The following RBFOX1 variants were observed in gnomAD, a reference collection of about 807,000 sequenced individuals.
RBFOX1 encodes the protein RNA binding fox-1 homolog 1.
RBFOX1 carries 8 observed loss-of-function variants against 57.7 expected under a neutral mutation model. That is an observed-to-expected ratio of 0.14 (90% confidence interval 0.08 to 0.25). The LOEUF (loss-of-function observed/expected upper bound fraction) is 0.25, where lower values mean the gene tolerates loss of function less well. Among genes scored for constraint, RBFOX1 ranks in the 10% least tolerant of loss-of-function variants. The probability of loss-of-function intolerance (pLI) is 1.00; values close to 1 mark genes in which losing one functional copy is unlikely to be tolerated. For missense variants in RBFOX1, 611 were observed against 548.5 expected (o/e 1.11, Z -1.14); for synonymous variants, 326 against 222.4 (o/e 1.47, Z -4.15).
intron 2 of RBFOX1, among the ~76,000 whole-genome samples, chr16:6,403,139 A>C (rs2093142670): frequency 6.6e-6 from 1 of 152,340 alleles, no homozygotes; most frequent in South Asian, 2.1e-4. Flanking sequence ...TGGGTGCTGA[A>C]CCAGCAGCAT....
intron 4 of RBFOX1, among the ~76,000 whole-genome samples, chr16:7,144,169 A>G (rs1258940700): frequency 6.6e-6 from 1 of 152,190 alleles, no homozygotes; most frequent in Non-Finnish European, 1.5e-5. Flanking sequence ...TTGTTTAAGA[A>G]AGGACATGGA....
At chr16:7,625,088 G>T (rs968852025) in intron 10 of RBFOX1, among the ~76,000 whole-genome samples, 1 of 152,088 alleles carries the variant, frequency 6.6e-6, no homozygotes, top group African/African-American at 2.4e-5. Flanking sequence ...CAGCCCAGGG[G>T]ATTGCTTTGG....
intron 3 of RBFOX1, among the ~76,000 whole-genome samples, chr16:6,745,409 C>A (rs1222168749): frequency 6.6e-6 from 1 of 152,022 alleles, no homozygotes; most frequent in Non-Finnish European, 1.5e-5. Flanking sequence ...TCTAAAACAA[C>A]AAGCAAATGA....
At chr16:7,709,588 C>G (rs1036516009) in intron 15 of RBFOX1, 34 of 1,530,808 alleles carry the variant, frequency 2.2e-5, no homozygotes, top group East Asian at 4.9e-5. Flanking sequence ...GACTGCCTCT[C>G]CTCCCCTATT....
chr16:5,929,033 TAAAAAAAA>T (rs3041579), intron 4 of RBFOX1, among the ~76,000 whole-genome samples: 9 of 127,064 alleles, frequency 7.1e-5, no homozygotes, highest in Non-Finnish European at 1.3e-4. Context: ...CTTTCCAATT[TAAAAAAAA>T]AAAAAAAAAA....
exon 3 of RBFOX1, chr16:5,599,659 TTCATTTTATGATGATTTTCTCTTTATA>T (rs2047300970): frequency 6.1e-6 from 1 of 163,902 alleles, no homozygotes; most frequent in Admixed American, 6.1e-5. Flanking sequence ...CATTATGTAT[TTCATTTTATGATGATTTTCTCTTTATA>T]GCCATCACTA....
In RBFOX1 at chr16:5,659,343, G is replaced by T. The variant is rs185926328; in HGVS notation, c.318+60382G>T. Among the ~76,000 whole-genome samples, 6 of 138,902 alleles carry T rather than the reference G, an allele frequency of 4.3e-5. No homozygotes were observed. The South Asian group carries it at 1.4e-3, about 32-fold the overall frequency. The allele number at this position is 138,902 out of a possible 152,430, so 91.1% of individuals were successfully genotyped here. On this transcript the variant is annotated intron_variant, in intron 3 of 19. Transcript: ENST00000641259. ...TTTTGAGATGGAGTCTCACTCTGTCGCCCAGGCTGGAGTGCAGTGGCGCCA... is the reference window on the plus strand; with the variant it reads ...TTTTGAGATGGAGTCTCACTCTGTCTCCCAGGCTGGAGTGCAGTGGCGCCA...
rs1421905747 is a variant in RBFOX1, at chr16:6,246,775, C to T, written c.-126-70220C>T. 2.0e-5 allele frequency among the ~76,000 whole-genome samples: 3 copies of T among 152,138 alleles called. No individual in the cohort carries two copies. The East Asian group carries it at 5.8e-4, about 29-fold the overall frequency. On this transcript the variant is annotated intron_variant, in intron 1 of 15. Coordinates refer to ENST00000550418, the MANE Select transcript of RBFOX1 (RefSeq NM_018723.4). ...GGTCTCTATCTTGTTTCCTAAACTC[C>T]AGTCCATTGTAGGCTGGGCATTGTG...
chr16:6,688,094 AAG>A (rs943687115), intron 3 of RBFOX1, among the ~76,000 whole-genome samples: 12 of 152,270 alleles, frequency 7.9e-5, no homozygotes, highest in African/African-American at 2.6e-4. Flanking sequence ...TTACAAAGAA[AAG>A]AGATTTCATT....
chr16:5,720,178 T>C (rs2051875863), intron 3 of RBFOX1, among the ~76,000 whole-genome samples: 1 of 152,226 alleles, frequency 6.6e-6, no homozygotes. Flanking sequence ...ACTAATGATA[T>C]TGAACATTGT....
intron 2 of RBFOX1, among the ~76,000 whole-genome samples, chr16:6,503,880 C>G (rs1308847692): frequency 6.6e-6 from 1 of 152,158 alleles, no homozygotes; most frequent in East Asian, 1.9e-4. Context: ...TTAAGGCAAG[C>G]CATGCACTGA....
At chr16:6,300,294 A>G (rs944522143) in intron 1 of RBFOX1, among the ~76,000 whole-genome samples, 3 of 152,222 alleles carry the variant, frequency 2.0e-5, no homozygotes, top group African/African-American at 4.8e-5. Context: ...AACAATGTAT[A>G]TACTTGAATA....
At chr16:5,875,670 C>T (rs972904152) in intron 4 of RBFOX1, among the ~76,000 whole-genome samples, 3 of 152,156 alleles carry the variant, frequency 2.0e-5, no homozygotes, top group East Asian at 3.9e-4. Flanking sequence ...CAATTCCTGG[C>T]GTCTGAACCC....
chr16:5,859,223 A>C (rs1374005042), intron 3 of RBFOX1, among the ~76,000 whole-genome samples: 1 of 152,114 alleles, frequency 6.6e-6, no homozygotes, highest in Admixed American at 6.6e-5. Flanking sequence ...AAACAAAAAC[A>C]AAAACAACCC....
intron 1 of RBFOX1, among the ~76,000 whole-genome samples, chr16:5,454,723 ATC>A (rs1186991185): frequency 1.9e-5 from 1 of 51,998 alleles, no homozygotes; most frequent in Non-Finnish European, 4.3e-5. Context: ...GTTCCTTAAA[ATC>A]TCTCTCTTTC....
At chr16:7,670,477 A>T (rs562253095) in intron 13 of RBFOX1, among the ~76,000 whole-genome samples, 1 of 152,344 alleles carries the variant, frequency 6.6e-6, no homozygotes, top group African/African-American at 2.4e-5. Flanking sequence ...CTAGTTGAGC[A>T]ATATTTGAAA....
chr16:7,461,554 C>G (rs552231311), intron 4 of RBFOX1, among the ~76,000 whole-genome samples: 1 of 151,944 alleles, frequency 6.6e-6, no homozygotes. Context: ...TTTCAGATAC[C>G]CTCCAAGAAC....
chr16:5,510,775 G>T (rs1268146311), intron 2 of RBFOX1, among the ~76,000 whole-genome samples: 1 of 152,152 alleles, frequency 6.6e-6, no homozygotes, highest in African/African-American at 2.4e-5. Context: ...ACATAATTCA[G>T]TGTGGCGGGG....
chr16:6,538,043 A>G (rs1442230624), intron 2 of RBFOX1, among the ~76,000 whole-genome samples: 1 of 151,768 alleles, frequency 6.6e-6, no homozygotes, highest in Non-Finnish European at 1.5e-5. Context: ...AATTCACATA[A>G]TATAAAATAC....
Sources: gnomAD v4.1 joint callset for allele counts (sites outside exome capture counted in the v4.1 genomes callset) on GRCh38, gnomAD v4.1.1 for gene constraint, MANE v1.5 for transcripts, NCBI Gene and HGNC (gene_info 2026-07-23, HGNC 2026-07-21) for gene names.